Variants in AKT3 observed in about 807,000 individuals in gnomAD.
AKT3 encodes RAC-gamma serine/threonine-protein kinase.
AKT3 carries 15 observed loss-of-function variants against 65.3 expected under a neutral mutation model. The observed-to-expected ratio is 0.23, with a 90% confidence interval of 0.15 to 0.35. AKT3 has a LOEUF of 0.35. Ranked by LOEUF, AKT3 falls within the 10% of genes least tolerant of loss-of-function variation. The probability of loss-of-function intolerance (pLI) is 1.00; values close to 1 mark genes in which losing one functional copy is unlikely to be tolerated. For synonymous variants in AKT3, 206 were observed against 183.8 expected, an observed-to-expected ratio of 1.12 and a Z score of -0.98; for missense variants, 243 against 576.5, an observed-to-expected ratio of 0.42 and a Z score of 5.92.
chr1:243,607,387 C>T (rs767392104), intron 8 of AKT3, among the ~76,000 whole-genome samples: 2 of 152,192 alleles, frequency 1.3e-5, no homozygotes, highest in South Asian at 2.1e-4. Flanking sequence ...ATGTCAGACA[C>T]GGAGTTAAAG....
chr1:243,656,734 G>A (rs1008870312), intron 4 of AKT3, among the ~76,000 whole-genome samples: 8 of 152,160 alleles, frequency 5.3e-5, no homozygotes, highest in East Asian at 1.9e-4. Flanking sequence ...TGTTGGGGGC[G>A]AGGCATACGT....
At chr1:243,498,644 A>G (rs747033811), downstream of AKT3, among the ~76,000 whole-genome samples, 1 of 152,234 alleles carries the variant, frequency 6.6e-6, no homozygotes, top group Non-Finnish European at 1.5e-5. Flanking sequence ...CATTTTTCAT[A>G]AAAGGCAACA....
At chr1:243,696,139 TTG>T (rs921192545) in intron 2 of AKT3, among the ~76,000 whole-genome samples, 21 of 151,930 alleles carry the variant, frequency 1.4e-4, no homozygotes, top group African/African-American at 4.8e-4. Context: ...CTTCCACTAA[TTG>T]TGTCTTTTTT....
chr1:243,555,104 A>T (rs1279570010), intron 10 of AKT3, among the ~76,000 whole-genome samples: 1 of 152,192 alleles, frequency 6.6e-6, no homozygotes, highest in Non-Finnish European at 1.5e-5. Context: ...ACGTGCCTTA[A>T]TTGATCTACA....
At chr1:243,840,063 C>T (rs909114988) in intron 2 of AKT3, among the ~76,000 whole-genome samples, 3 of 151,858 alleles carry the variant, frequency 2.0e-5, no homozygotes, top group Non-Finnish European at 2.9e-5. Context: ...CCCAGCTACT[C>T]GGGAGGCTGA....
chr1:243,543,587 T>C (rs1404883272), intron 12 of AKT3, among the ~76,000 whole-genome samples: 1 of 152,210 alleles, frequency 6.6e-6, no homozygotes, highest in Non-Finnish European at 1.5e-5. Context: ...CAAGCCCTTC[T>C]TCCTTCCAGG....
At chr1:243,508,095 T>G (rs1309378950) in intron 13 of AKT3, among the ~76,000 whole-genome samples, 5 of 152,244 alleles carry the variant, frequency 3.3e-5, no homozygotes, top group Non-Finnish European at 7.3e-5. Flanking sequence ...GTGTTAGCAC[T>G]TAGGGAGCTG....
intron 4 of AKT3, among the ~76,000 whole-genome samples, chr1:243,650,664 T>A (rs1312285354): frequency 1.3e-5 from 2 of 152,170 alleles, no homozygotes; most frequent in African/African-American, 4.8e-5. Flanking sequence ...AAATAGGGGA[T>A]CCTTTCCCCA....
intron 9 of AKT3, among the ~76,000 whole-genome samples, 193 bp from the exon 10 acceptor site, chr1:243,564,041 G>A (rs568217919): frequency 6.6e-6 from 1 of 152,220 alleles, no homozygotes; most frequent in Non-Finnish European, 1.5e-5. Flanking sequence ...AATACTTCAC[G>A]ATGATAAAAT....
intron 2 of AKT3, among the ~76,000 whole-genome samples, chr1:243,792,320 T>C (rs917272258): frequency 3.9e-5 from 6 of 152,108 alleles, no homozygotes; most frequent in African/African-American, 1.4e-4. Context: ...CTCAAAAATA[T>C]GTCTCCAATG....
intron 10 of AKT3, among the ~76,000 whole-genome samples, chr1:243,559,609 C>A (rs1673632326): frequency 6.6e-6 from 1 of 152,138 alleles, no homozygotes; most frequent in African/African-American, 2.4e-5. Flanking sequence ...ATTTCTAACA[C>A]TCTTTGTGAA....
At chr1:243,842,785 C>A (rs1032980094) in intron 2 of AKT3, among the ~76,000 whole-genome samples, 1 of 152,212 alleles carries the variant, frequency 6.6e-6, no homozygotes, top group African/African-American at 2.4e-5. Context: ...CATATAGGAT[C>A]GTACTTTTAC....
chr1:243,726,614 A>G (rs1351164535), intron 2 of AKT3, among the ~76,000 whole-genome samples: 1 of 152,222 alleles, frequency 6.6e-6, no homozygotes, highest in Non-Finnish European at 1.5e-5. Flanking sequence ...AACCCAAAAG[A>G]AAGTTAACAT....
intron 12 of AKT3, among the ~76,000 whole-genome samples, chr1:243,538,209 T>C (rs1356594528): frequency 5.3e-5 from 8 of 152,148 alleles, no homozygotes. Context: ...AACAGAAATA[T>C]GCTGTTGTAT....
chr1:243,698,461 T>G (rs1040139758), intron 2 of AKT3, among the ~76,000 whole-genome samples: 23 of 152,108 alleles, frequency 1.5e-4, no homozygotes, highest in African/African-American at 5.5e-4. Context: ...TTTCCCTCTA[T>G]GTACATCCTC....
At chr1:243,835,458 C>T (rs1352591740) in intron 2 of AKT3, among the ~76,000 whole-genome samples, 1 of 152,124 alleles carries the variant, frequency 6.6e-6, no homozygotes, top group Non-Finnish European at 1.5e-5. Flanking sequence ...CAAACCTGTA[C>T]ATGTATTCTG....
chr1:243,650,099 T>C lies in AKT3; in HGVS notation c.285-4062A>G, dbSNP rs150680182. Among the ~76,000 whole-genome samples, 135 of 152,306 alleles carry C rather than the reference T, an allele frequency of 8.9e-4. 1 individual carries two copies. The highest frequency in any genetic ancestry group is 2.9e-3 in the African/African-American group (121 of 41,576). ...TGTTGTTTCCTGACTTTTTAATGAT[T>C]GCCATTCTAACTGGTGTGAGATGGT... On this transcript the variant is annotated intron_variant, in intron 4 of 13. Transcript: ENST00000673466.
chr1:243,584,382 G>C (rs920475205), intron 8 of AKT3, among the ~76,000 whole-genome samples: 2 of 152,138 alleles, frequency 1.3e-5, no homozygotes, highest in Middle Eastern at 3.4e-3. Flanking sequence ...TTCTATGTAA[G>C]GTACAAGGAA....
intron 3 of AKT3, among the ~76,000 whole-genome samples, chr1:243,690,474 T>C (rs1349197598): frequency 6.6e-6 from 1 of 152,182 alleles, no homozygotes; most frequent in Non-Finnish European, 1.5e-5. Context: ...CAAACCATAA[T>C]TGTGATTAGA....
Sources: gnomAD v4.1 joint callset for allele counts (sites outside exome capture counted in the v4.1 genomes callset) on GRCh38, gnomAD v4.1.1 for gene constraint, MANE v1.5 for transcripts, NCBI Gene and HGNC (gene_info 2026-07-23, HGNC 2026-07-21) for gene names.